UQCC2: variants seen among roughly 807,000 people sequenced by gnomAD.
The protein encoded by UQCC2 is ubiquinol-cytochrome c reductase complex assembly factor 2.
UQCC2 carries 21 observed loss-of-function variants against 19.9 expected under a neutral mutation model. The ratio of observed to expected loss-of-function variants is 1.05; its 90% CI spans 0.75 to 1.52. UQCC2 has a LOEUF of 1.52. UQCC2 is among the 40% of genes most tolerant of loss of function. The probability of loss-of-function intolerance (pLI) is 0.00; values close to 1 mark genes in which losing one functional copy is unlikely to be tolerated. For synonymous variants in UQCC2, 57 were observed against 60.9 expected, an observed-to-expected ratio of 0.94 and a Z score of 0.30; for missense variants, 135 against 157.5, an observed-to-expected ratio of 0.86 and a Z score of 0.76.
chr6:33,711,629 C>A lies in UQCC2; in HGVS notation c.58G>T (p.Glu20Ter). Residue 20 changes from glutamate to a stop codon, truncating the protein, a stop_gained, in exon 1 of 4, where the codon GAG (glutamate) becomes TAG (stop). Transcript: ENST00000607484. LOFTEE classifies it high-confidence loss of function. The stretch of plus-strand genomic sequence containing the variant: ...CCCAAGTCCCGGCCCCGTTTGGTCT[C>A]GTCCACTGGCCATTCCTCACAGAGC... ...LKLCEEWPVD[E>*]TKRGRDLGAY... 6.2e-7 allele frequency: 1 copy of A among 1,614,072 alleles called. No homozygotes were observed. Among genetic ancestry groups the A allele is most frequent in the Non-Finnish European group, 8.5e-7 (1 of 1,179,956 alleles).
intron 1 of UQCC2, among the ~76,000 whole-genome samples, chr6:33,709,909 G>A (rs113254238): frequency 1.3e-5 from 2 of 152,230 alleles, no homozygotes; most frequent in African/African-American, 4.8e-5. Flanking sequence ...ATATAGCACT[G>A]CCTACTTGAC....
chr6:33,703,008 G>A (rs777488664), intron 1 of UQCC2, among the ~76,000 whole-genome samples: 10 of 152,226 alleles, frequency 6.6e-5, no homozygotes, highest in African/African-American at 9.6e-5. Flanking sequence ...GAAGGATTAT[G>A]GCCTGAGGAG....
chr6:33,704,656 G>A (rs1433795964), intron 1 of UQCC2, among the ~76,000 whole-genome samples: 1 of 152,118 alleles, frequency 6.6e-6, no homozygotes, highest in Non-Finnish European at 1.5e-5. Context: ...CTTAGGAAAG[G>A]AGTCCACAAG....
At chr6:33,701,049 G>A (rs111574436) in intron 2 of UQCC2, among the ~76,000 whole-genome samples, 1 of 152,164 alleles carries the variant, frequency 6.6e-6, no homozygotes, top group Admixed American at 6.5e-5. Context: ...TGGGAAAATA[G>A]GTATAAATCC....
At chr6:33,698,878 G>A (rs147769283) in intron 3 of UQCC2, among the ~76,000 whole-genome samples, 7 of 152,204 alleles carry the variant, frequency 4.6e-5, no homozygotes, top group East Asian at 1.9e-4. Context: ...CTAATTTTAC[G>A]TGCATGTTAA....
intron 1 of UQCC2, 119 bp from the exon 2 acceptor site, chr6:33,701,539 C>T (rs1451972090): frequency 7.4e-6 from 7 of 940,626 alleles, no homozygotes; most frequent in Non-Finnish European, 1.1e-5. Context: ...CTGCAGCTAG[C>T]ACTGGCTTCT....
At chr6:33,702,691 A>G (rs1765655168) in intron 1 of UQCC2, among the ~76,000 whole-genome samples, 1 of 152,202 alleles carries the variant, frequency 6.6e-6, no homozygotes, top group African/African-American at 2.4e-5. Context: ...ATAGTTCTTT[A>G]TATTTTTCTG....
intron 1 of UQCC2, 115 bp downstream of exon 1, chr6:33,711,434 T>C: frequency 7.1e-7 from 1 of 1,418,018 alleles, no homozygotes; most frequent in Non-Finnish European, 9.3e-7. Flanking sequence ...CGCGCTCACG[T>C]GCTGCCTGGA....
chr6:33,710,982 T>G (rs1336466214), intron 1 of UQCC2, among the ~76,000 whole-genome samples: 1 of 152,160 alleles, frequency 6.6e-6, no homozygotes, highest in Non-Finnish European at 1.5e-5. Flanking sequence ...CAGAGTTAAC[T>G]GGGGATTAGC....
At chr6:33,700,594 G>C in intron 2 of UQCC2, 81 bp from the exon 3 acceptor site, 6 of 1,473,872 alleles carry the variant, frequency 4.1e-6, no homozygotes, top group Non-Finnish European at 5.7e-6. Context: ...ATTTCACCTA[G>C]GCCCTGGGCA....
intron 1 of UQCC2, among the ~76,000 whole-genome samples, chr6:33,704,915 C>A (rs1161714269): frequency 1.3e-5 from 2 of 152,156 alleles, no homozygotes; most frequent in Non-Finnish European, 2.9e-5. Context: ...TGATGAGCAG[C>A]AGGACAGACA....
chr6:33,697,896 G>A, intron 3 of UQCC2, 146 bp from the exon 4 acceptor site: 1 of 642,916 alleles, frequency 1.6e-6, no homozygotes, highest in East Asian at 2.7e-5. Context: ...AGCTCCTGAA[G>A]AGCAGATCAA....
At chr6:33,709,756 G>A (rs957429641) in intron 1 of UQCC2, among the ~76,000 whole-genome samples, 2 of 151,622 alleles carry the variant, frequency 1.3e-5, no homozygotes, top group Non-Finnish European at 2.9e-5. Flanking sequence ...GCTCTGTTTC[G>A]GGCTAAGCTG....
intron 1 of UQCC2, among the ~76,000 whole-genome samples, chr6:33,708,717 C>T (rs574939437): frequency 6.1e-4 from 93 of 152,306 alleles, no homozygotes; most frequent in African/African-American, 2.1e-3. Flanking sequence ...AATGAAGAGC[C>T]TACCAGAATC....
intron 1 of UQCC2, 80 bp downstream of exon 1, chr6:33,711,469 C>G (rs1292995220): frequency 1.3e-6 from 2 of 1,497,908 alleles, no homozygotes; most frequent in Admixed American, 2.4e-5. Flanking sequence ...ATGCGCAGAT[C>G]CCCCTGCTAG....
At chr6:33,702,117 C>G (rs570321566) in intron 1 of UQCC2, among the ~76,000 whole-genome samples, 71 of 152,236 alleles carry the variant, frequency 4.7e-4, no homozygotes, top group African/African-American at 1.5e-3. Flanking sequence ...AGCAATTCTC[C>G]AGCCTCAGCC....
At position 33,697,345 on chromosome 6, in the gene UQCC2, G is replaced by A. The variant is rs1304592879; in HGVS notation, c.*308C>T. The A allele has an allele frequency of 7.2e-6, 2 of 277,536 alleles. No homozygotes were observed. Among genetic ancestry groups the A allele is most frequent in the Admixed American group, 4.8e-5 (1 of 20,710 alleles). 17.2% of individuals were successfully genotyped at this position (277,536 alleles called of 1,614,324 possible). ...GACACCAGACCCGTGCCAGAGGGGC[G>A]GGGGCTCCCGTGGCAATGCAGGAAG... On this transcript the variant is annotated 3_prime_UTR_variant, in exon 4 of 4. Coordinates refer to ENST00000607484, the MANE Select transcript of UQCC2 (RefSeq NM_032340.4).
chr6:33,710,141 G>A (rs955608276), intron 1 of UQCC2, among the ~76,000 whole-genome samples: 2 of 151,970 alleles, frequency 1.3e-5, no homozygotes, highest in South Asian at 4.1e-4. Flanking sequence ...CTCAACCTGC[G>A]CATAACCTGA....
rs16869412 is a variant in UQCC2 at position 33,705,589 on chromosome 6, T to C, written c.139-4169A>G. Among the ~76,000 whole-genome samples, 2,150 of 152,218 alleles carry C rather than the reference T, an allele frequency of 0.014. 135 individuals are homozygous for C. In the East Asian group the frequency reaches 0.16, roughly 11 times the overall value. ...TGAGGAGTGATGAAGCCTTGGTCAA[T>C]GCTGGGTTCCTAGCCACAGATAACT... On this transcript the variant is annotated intron_variant, in intron 1 of 3. Transcript: ENST00000607484.
Sources: gnomAD v4.1 joint callset for allele counts (sites outside exome capture counted in the v4.1 genomes callset) on GRCh38, gnomAD v4.1.1 for gene constraint, MANE v1.5 for transcripts, NCBI Gene and HGNC (gene_info 2026-07-23, HGNC 2026-07-21) for gene names.